The following BLVRA variants were observed in gnomAD, a reference collection of about 807,000 sequenced individuals.
BLVRA encodes the protein biliverdin reductase A.
Under a neutral mutation model 32.8 loss-of-function variants are expected in BLVRA, and 22 were observed. The ratio of observed to expected loss-of-function variants is 0.67; its 90% CI spans 0.48 to 0.96. BLVRA has a LOEUF of 0.96. BLVRA is among the 40% of genes least tolerant of loss of function. The probability of loss-of-function intolerance (pLI) is 0.00; values close to 1 mark genes in which losing one functional copy is unlikely to be tolerated. For synonymous variants in BLVRA, 119 were observed against 141.3 expected, an observed-to-expected ratio of 0.84 and a Z score of 1.12; for missense variants, 323 against 358.1, an observed-to-expected ratio of 0.90 and a Z score of 0.79.
intron 7 of BLVRA, among the ~76,000 whole-genome samples, chr7:43,805,702 A>G (rs1193789178): frequency 6.6e-6 from 1 of 152,104 alleles, no homozygotes; most frequent in Non-Finnish European, 1.5e-5. Context: ...CCCAAATTGC[A>G]TTTTTAAATT....
intron 2 of BLVRA, among the ~76,000 whole-genome samples, chr7:43,771,734 A>AG (rs1161638091): frequency 3.9e-5 from 6 of 152,112 alleles, no homozygotes; most frequent in African/African-American, 1.2e-4. Flanking sequence ...TCCCCACAAG[A>AG]GGGGGGTCTT....
intron 2 of BLVRA, among the ~76,000 whole-genome samples, chr7:43,782,060 T>G (rs1031451378): frequency 1.3e-5 from 2 of 152,222 alleles, no homozygotes; most frequent in African/African-American, 4.8e-5. Context: ...TTTCGTTACC[T>G]TCCCCTCCTG....
intron 5 of BLVRA, among the ~76,000 whole-genome samples, chr7:43,796,479 T>G (rs1468902987): frequency 6.6e-6 from 1 of 152,178 alleles, no homozygotes; most frequent in African/African-American, 2.4e-5. Flanking sequence ...CTTCAAAAAG[T>G]GGTCCCAGGA....
chr7:43,778,871 C>T (rs1010518463), intron 2 of BLVRA, among the ~76,000 whole-genome samples: 1 of 152,242 alleles, frequency 6.6e-6, no homozygotes, highest in Non-Finnish European at 1.5e-5. Flanking sequence ...GGCGCCCCTC[C>T]CCCAGCCTTG....
At chr7:43,764,455 G>C (rs1383268501) in intron 1 of BLVRA, 1 of 152,132 alleles carries the variant, frequency 6.6e-6, no homozygotes, top group East Asian at 1.9e-4. Flanking sequence ...GAAAGTAATT[G>C]ACCTCATCTC....
intron 2 of BLVRA, among the ~76,000 whole-genome samples, chr7:43,785,277 G>A (rs1350755186): frequency 2.0e-5 from 3 of 150,214 alleles, no homozygotes; most frequent in Non-Finnish European, 4.4e-5. Flanking sequence ...ATGTGTTTTG[G>A]CTGTACAGAT....
intron 3 of BLVRA, among the ~76,000 whole-genome samples, 199 bp from the exon 4 acceptor site, chr7:43,791,050 A>G (rs1453574079): frequency 6.6e-6 from 1 of 152,180 alleles, no homozygotes; most frequent in East Asian, 1.9e-4. Flanking sequence ...GTTGGCACTC[A>G]ATGCCAGATC....
chr7:43,777,651 G>A (rs1364013625), intron 2 of BLVRA, among the ~76,000 whole-genome samples: 2 of 152,122 alleles, frequency 1.3e-5, no homozygotes, highest in African/African-American at 2.4e-5. Context: ...GAGTATCTTT[G>A]TGGTGTTCTC....
At chr7:43,769,813 T>C (rs1456671517) in intron 1 of BLVRA, among the ~76,000 whole-genome samples, 3 of 152,156 alleles carry the variant, frequency 2.0e-5, no homozygotes, top group Non-Finnish European at 4.4e-5. Context: ...TTCGCCATGT[T>C]AGCCAGGCTG....
At chr7:43,766,131 T>C (rs1443080289) in intron 1 of BLVRA, among the ~76,000 whole-genome samples, 2 of 151,734 alleles carry the variant, frequency 1.3e-5, no homozygotes, top group Non-Finnish European at 2.9e-5. Context: ...CTACTAAAAA[T>C]AATTAGCGTG....
intron 5 of BLVRA, among the ~76,000 whole-genome samples, chr7:43,793,288 T>C (rs1365539408): frequency 6.6e-6 from 1 of 151,880 alleles, no homozygotes; most frequent in African/African-American, 2.4e-5. Context: ...GTTATTTTGC[T>C]TAATTCTTCT....
chr7:43,791,238 C>T lies in BLVRA; in HGVS notation c.135-11C>T. On this transcript the variant is annotated splice_polypyrimidine_tract_variant and intron_variant, in intron 3 of 7. Coordinates refer to ENST00000265523, the MANE Select transcript of BLVRA (RefSeq NM_000712.4). ...ACCATTGAGTTCCATTTCTCTGTTA[C>T]TCTGAAATAGAAGGGAGCTCGGGAG... 1 of 1,614,016 alleles carries T rather than the reference C, an allele frequency of 6.2e-7. No individual in the cohort carries two copies. Among genetic ancestry groups the T allele is most frequent in the Non-Finnish European group, 8.5e-7 (1 of 1,179,984 alleles).
At chr7:43,759,988 A>ATTTTTTTTTTT (rs57266558) in intron 1 of BLVRA, 5 of 122,046 alleles carry the variant, frequency 4.1e-5, no homozygotes, top group African/African-American at 1.3e-4. Flanking sequence ...TTCATATGTA[A>ATTTTTTTTTTT]TTTTTTTTTT....
chr7:43,760,988 C>T (rs1451091582), intron 1 of BLVRA, among the ~76,000 whole-genome samples: 1 of 152,080 alleles, frequency 6.6e-6, no homozygotes, highest in African/African-American at 2.4e-5. Context: ...AGGTTGGTCT[C>T]GAACTCCTGA....
intron 2 of BLVRA, among the ~76,000 whole-genome samples, chr7:43,780,879 G>A (rs1214842036): frequency 6.6e-6 from 1 of 152,272 alleles, no homozygotes; most frequent in Non-Finnish European, 1.5e-5. Flanking sequence ...GGGCGCCGTG[G>A]CGCATGCCTG....
At chr7:43,798,988 G>A (rs1342658658) in intron 5 of BLVRA, among the ~76,000 whole-genome samples, 1 of 152,054 alleles carries the variant, frequency 6.6e-6, no homozygotes, top group Non-Finnish European at 1.5e-5. Flanking sequence ...GGTGGGGTGG[G>A]GGGCAGTGGG....
rs17245897 is a variant in BLVRA, at chr7:43,787,203, G to A, written c.13-701G>A. Among the ~76,000 whole-genome samples the A allele has an allele frequency of 8.2e-3, 1,251 of 152,232 alleles. 13 individuals are homozygous for A. The highest frequency in any genetic ancestry group is 0.027 in the African/African-American group (1,132 of 41,532). ...CTCCCAAAGTGCTGGGATTACAGGC[G>A]TGAGCCACCGTGCCCAGTGCATGGA... On this transcript the variant is annotated intron_variant, in intron 2 of 7. Transcript: ENST00000265523. The surrounding 1 kb of genome is among the most constrained non-coding windows in gnomAD (Gnocchi z 4.5).
At position 43,791,101 on chromosome 7, in the gene BLVRA, T is replaced by A. The variant is rs1368509386; in HGVS notation, c.135-148T>A. The A allele has an allele frequency of 6.9e-6, 10 of 1,440,094 alleles. No homozygotes were observed. The East Asian group carries it at 2.3e-4, about 33-fold the overall frequency. 89.2% of individuals were successfully genotyped at this position (1,440,094 alleles called of 1,614,324 possible). A position where few individuals can be genotyped will look rare whatever the true frequency, so the allele number is the denominator to read the frequency against. ...TGAGGCTATTTTTCTCACTCCACAA[T>A]GGAAAATAGCCTGGAAGTGGGAGAG... On this transcript the variant is annotated intron_variant, in intron 3 of 7. Transcript: ENST00000265523.
At chr7:43,763,422 C>T (rs1056859282) in intron 1 of BLVRA, among the ~76,000 whole-genome samples, 2 of 152,114 alleles carry the variant, frequency 1.3e-5, no homozygotes, top group African/African-American at 4.8e-5. Context: ...AGTCAGCCTG[C>T]CTGCTGAGGA....
Sources: gnomAD v4.1 joint callset for allele counts (sites outside exome capture counted in the v4.1 genomes callset) on GRCh38, gnomAD v4.1.1 for gene constraint, Gnocchi (gnomAD v3.1) non-coding constraint, MANE v1.5 for transcripts, NCBI Gene and HGNC (gene_info 2026-07-23, HGNC 2026-07-21) for gene names.